The following IMMP2L variants were observed in gnomAD, a reference collection of about 807,000 sequenced individuals.
IMMP2L encodes the protein mitochondrial inner membrane protease subunit 2.
A neutral mutation model predicts 19.3 loss-of-function variants in IMMP2L; 18 were observed. That is an observed-to-expected ratio of 0.93 (90% CI 0.64 to 1.38). The LOEUF is 1.38. Among genes scored for constraint, IMMP2L ranks in the 40% most tolerant of loss-of-function variants. IMMP2L has a pLI of 0.00. For synonymous variants in IMMP2L, 76 were observed against 73.0 expected, an observed-to-expected ratio of 1.04 and a Z score of -0.21; for missense variants, 233 against 218.2, an observed-to-expected ratio of 1.07 and a Z score of -0.43.
chr7:111,239,418 G>A (rs1011972789), intron 3 of IMMP2L, among the ~76,000 whole-genome samples: 1 of 151,730 alleles, frequency 6.6e-6, no homozygotes, highest in African/African-American at 2.4e-5. Context: ...TGAATTTAAT[G>A]CTCTCATACT....
intron 3 of IMMP2L, among the ~76,000 whole-genome samples, chr7:111,220,576 TGATGGATGGATG>T (rs34015257): frequency 3.8e-4 from 57 of 148,374 alleles, no homozygotes; most frequent in Admixed American, 6.8e-4. Context: ...CAGAGAAACA[TGATGGATGGATG>T]GATGGATGGA....
At chr7:111,025,139 T>C (rs1007166095) in intron 3 of IMMP2L, among the ~76,000 whole-genome samples, 6 of 152,122 alleles carry the variant, frequency 3.9e-5, no homozygotes, top group African/African-American at 1.2e-4. Context: ...TACCACTTCT[T>C]AGCTTCCAAC....
chr7:111,434,097 A>G (rs1836894536), intron 3 of IMMP2L, among the ~76,000 whole-genome samples: 1 of 151,836 alleles, frequency 6.6e-6, no homozygotes, highest in Non-Finnish European at 1.5e-5. Flanking sequence ...AAAAGTAGAC[A>G]GGTCCATGGT....
At chr7:111,060,504 C>A (rs556547401) in intron 3 of IMMP2L, among the ~76,000 whole-genome samples, 3 of 152,270 alleles carry the variant, frequency 2.0e-5, no homozygotes, top group South Asian at 2.1e-4. Flanking sequence ...TACAAATAAG[C>A]ACCATAGCGG....
At chr7:111,113,078 C>G (rs1462214145) in intron 3 of IMMP2L, among the ~76,000 whole-genome samples, 1 of 152,080 alleles carries the variant, frequency 6.6e-6, no homozygotes, top group Non-Finnish European at 1.5e-5. Flanking sequence ...ACCCAGAAAC[C>G]TTCTACTCTG....
intron 3 of IMMP2L, among the ~76,000 whole-genome samples, chr7:111,301,921 TAAAAAAAAAAAAAAAA>T (rs59156229): frequency 4.8e-5 from 4 of 83,156 alleles, no homozygotes; most frequent in Non-Finnish European, 8.5e-5. Flanking sequence ...TTTCATGCTT[TAAAAAAAAAAAAAAAA>T]AAAAAAAAAA....
At chr7:111,392,726 G>A (rs929400679) in intron 3 of IMMP2L, 3 of 456,156 alleles carry the variant, frequency 6.6e-6, no homozygotes, top group African/African-American at 6.0e-5. Context: ...AGTCTGAGGT[G>A]GGAGGGTCCT....
At position 110,737,935 on chromosome 7, in the gene IMMP2L, G is replaced by A. The variant is rs768090298; in HGVS notation, c.409-74214C>T. On this transcript the variant is annotated intron_variant, in intron 5 of 5. Transcript: ENST00000405709. ...GCCTGGAACCTGGTAGCTCTGCTGCGTGGCTAGACCCAGAAGAGCAGAAAT... is the reference window on the plus strand; with the variant it reads ...GCCTGGAACCTGGTAGCTCTGCTGCATGGCTAGACCCAGAAGAGCAGAAAT... Among the ~76,000 whole-genome samples the A allele has an allele frequency of 3.2e-4, 49 of 152,086 alleles. 1 individual carries two copies. Among genetic ancestry groups the A allele is most frequent in the Admixed American group, 1.7e-3 (26 of 15,274 alleles).
At chr7:111,356,657 T>C (rs1228880912) in intron 3 of IMMP2L, among the ~76,000 whole-genome samples, 2 of 152,134 alleles carry the variant, frequency 1.3e-5, no homozygotes, top group Admixed American at 1.3e-4. Flanking sequence ...ACTTTCCAGA[T>C]AAACTGAAAT....
At chr7:111,114,780 T>C (rs1449729371) in intron 3 of IMMP2L, among the ~76,000 whole-genome samples, 5 of 151,310 alleles carry the variant, frequency 3.3e-5, no homozygotes, top group African/African-American at 4.9e-5. Context: ...AAGAAATACA[T>C]TGAAACCATT....
intron 3 of IMMP2L, among the ~76,000 whole-genome samples, chr7:111,067,490 C>T (rs1025818493): frequency 6.6e-6 from 1 of 152,176 alleles, no homozygotes; most frequent in Admixed American, 6.5e-5. Context: ...GTGGAACTGC[C>T]TTAGATTGGC....
chr7:111,322,117 A>G (rs1416209212), intron 3 of IMMP2L, among the ~76,000 whole-genome samples: 9 of 151,972 alleles, frequency 5.9e-5, no homozygotes, highest in Admixed American at 5.3e-4. Context: ...ACATCCCTAC[A>G]GTAATTAATG....
chr7:111,402,935 C>A (rs1431495024), intron 3 of IMMP2L, among the ~76,000 whole-genome samples: 4 of 150,890 alleles, frequency 2.7e-5, no homozygotes, highest in African/African-American at 9.8e-5. Context: ...GACAGGGTTT[C>A]ACTCTGTCAC....
chr7:110,857,463 T>C (rs549080114), intron 5 of IMMP2L, among the ~76,000 whole-genome samples: 1 of 151,940 alleles, frequency 6.6e-6, no homozygotes, highest in Non-Finnish European at 1.5e-5. Context: ...TTGACTAACA[T>C]AAAAGACATA....
intron 3 of IMMP2L, among the ~76,000 whole-genome samples, chr7:111,264,942 C>G (rs950000550): frequency 1.3e-5 from 2 of 152,060 alleles, no homozygotes; most frequent in African/African-American, 2.4e-5. Context: ...TCCTTTGTTA[C>G]CTTCATCTTT....
chr7:111,560,412 G>T (rs759542708), intron 1 of IMMP2L, among the ~76,000 whole-genome samples: 10 of 151,942 alleles, frequency 6.6e-5, no homozygotes, highest in Non-Finnish European at 1.5e-4. Flanking sequence ...CTAATATTAG[G>T]TCCTTCTTAT....
At chr7:111,023,836 T>A (rs1344607710) in intron 3 of IMMP2L, among the ~76,000 whole-genome samples, 1 of 152,212 alleles carries the variant, frequency 6.6e-6, no homozygotes, top group Admixed American at 6.5e-5. Flanking sequence ...TAGAATCACA[T>A]ATGCATTGCT....
chr7:111,473,754 A>G (rs116685706), intron 3 of IMMP2L, among the ~76,000 whole-genome samples: 1 of 152,316 alleles, frequency 6.6e-6, no homozygotes, highest in African/African-American at 2.4e-5. Context: ...TATGGAAAGA[A>G]GTTTGGAGAT....
At chr7:111,017,925 C>G (rs1318404726) in intron 3 of IMMP2L, among the ~76,000 whole-genome samples, 2 of 152,228 alleles carry the variant, frequency 1.3e-5, no homozygotes, top group Non-Finnish European at 2.9e-5. Flanking sequence ...CATAGGCTTA[C>G]TTTCCCAAAG....
Sources: allele counts gnomAD v4.1 joint callset (sites outside exome capture counted in the v4.1 genomes callset), GRCh38; gene constraint gnomAD v4.1.1; transcripts MANE v1.5; gene names NCBI Gene and HGNC (gene_info 2026-07-23, HGNC 2026-07-21).